MKLN1: variants seen among roughly 807,000 people sequenced by gnomAD.
The protein encoded by MKLN1 is muskelin.
MKLN1 carries 18 observed loss-of-function variants against 99.0 expected under a neutral mutation model. The observed-to-expected ratio is 0.18, with a 90% CI of 0.13 to 0.27. MKLN1 has a LOEUF of 0.27. Ranked by LOEUF, MKLN1 falls within the 10% of genes least tolerant of loss-of-function variation. The pLI, the probability that MKLN1 is intolerant of heterozygous loss-of-function variation, is 1.00. For missense variants in MKLN1, 621 were observed against 875.9 expected (o/e 0.71, Z 3.67); for synonymous variants, 288 against 293.2 (o/e 0.98, Z 0.18).
chr7:131,407,297 C>CA (rs1334441140), intron 6 of MKLN1, among the ~76,000 whole-genome samples: 2 of 151,962 alleles, frequency 1.3e-5, no homozygotes, highest in Non-Finnish European at 2.9e-5. Context: ...AATCTGTACT[C>CA]ATGTTTCATA....
Position 131,491,384 on chromosome 7 carries a change from G to A in MKLN1, c.*3656G>A, listed in dbSNP as rs1014206439. 6.6e-6 allele frequency: 1 copy of A among 151,992 alleles called. No individual in the cohort carries two copies. The highest frequency in any genetic ancestry group is 2.4e-5 in the African/African-American group (1 of 41,370). 9.4% of individuals were successfully genotyped at this position (151,992 alleles called of 1,614,324 possible). On this transcript the variant is annotated 3_prime_UTR_variant, in exon 18 of 18. Coordinates refer to ENST00000352689, the MANE Select transcript of MKLN1 (RefSeq NM_013255.5). ...GGCTGCCCAGAAAAAGTTTATGGCT[G>A]GAGGAGTATCATACAGTGTCTACAT...
chr7:131,394,715 C>A (rs771083403), intron 4 of MKLN1, among the ~76,000 whole-genome samples: 1 of 151,994 alleles, frequency 6.6e-6, no homozygotes, highest in Non-Finnish European at 1.5e-5. Flanking sequence ...TATTGGAAAT[C>A]ATTACGCCTG....
chr7:131,299,877 G>A (rs1798350192), intron 3 of MKLN1, among the ~76,000 whole-genome samples: 1 of 152,160 alleles, frequency 6.6e-6, no homozygotes, highest in Admixed American at 6.5e-5. Flanking sequence ...TCTAAAAATA[G>A]AATGCTATAA....
At chr7:131,422,625 C>T (rs1795239444) in intron 8 of MKLN1, among the ~76,000 whole-genome samples, 1 of 152,164 alleles carries the variant, frequency 6.6e-6, no homozygotes, top group Non-Finnish European at 1.5e-5. Context: ...GCTTATTTAA[C>T]ATGGCTTATA....
At chr7:131,396,896 GATAA>G (rs1794378113) in intron 4 of MKLN1, among the ~76,000 whole-genome samples, 2 of 152,194 alleles carry the variant, frequency 1.3e-5, no homozygotes, top group South Asian at 4.1e-4. Flanking sequence ...TTGTGCCACT[GATAA>G]ATAATTTCAG....
intron 3 of MKLN1, among the ~76,000 whole-genome samples, chr7:131,262,307 T>G (rs745613636): frequency 1.3e-5 from 2 of 151,522 alleles, no homozygotes; most frequent in Non-Finnish European, 2.9e-5. Context: ...CGTGGTGGCG[T>G]GCGACTGTAG....
chr7:131,309,743 T>TTTTTTTTTTTG (rs1798529745), intron 3 of MKLN1: 1 of 142,958 alleles, frequency 7.0e-6, no homozygotes, highest in South Asian at 2.3e-4. Flanking sequence ...TTTTTTTTTT[T>TTTTTTTTTTTG]GAGACAGGGC....
Position 131,466,387 on chromosome 7 carries a change from C to A in MKLN1, c.1900C>A (p.His634Asn). Residue 634 changes from histidine (H) to asparagine (N), a missense_variant, in exon 15 of 18, where the codon CAT (histidine) becomes AAT (asparagine). This residue lies in a region of MKLN1 where 126 missense variants were observed against 157.4 expected (regional missense o/e 0.80). Transcript: ENST00000352689. Reference sequence around the variant, plus strand: ...ACCTTCAAAAGATTATTTACTGAGGCATTGCAAGTACCTCATAAGAAAACA... The same window carrying A: ...ACCTTCAAAAGATTATTTACTGAGGAATTGCAAGTACCTCATAAGAAAACA... ...CRPSKDYLLR[H>N]CKYLIRKHRF... is the part of the protein sequence containing the mutation. The A allele has an allele frequency of 1.3e-6, 2 of 1,593,018 alleles. No individual in the cohort carries two copies. Among genetic ancestry groups the A allele is most frequent in the Non-Finnish European group, 1.7e-6 (2 of 1,166,186 alleles).
intron 8 of MKLN1, among the ~76,000 whole-genome samples, chr7:131,417,445 T>A (rs1398011464): frequency 6.6e-6 from 1 of 152,188 alleles, no homozygotes; most frequent in Non-Finnish European, 1.5e-5. Context: ...TTAAAAGAAA[T>A]CATGGGTGGT....
intron 1 of MKLN1, among the ~76,000 whole-genome samples, chr7:131,125,969 G>A (rs1211137221): frequency 6.8e-6 from 1 of 148,098 alleles, no homozygotes; most frequent in African/African-American, 2.5e-5. Flanking sequence ...TCACGCCACT[G>A]CACTCCAGCC....
chr7:131,476,260 G>A (rs560052733), intron 16 of MKLN1, among the ~76,000 whole-genome samples: 3 of 152,162 alleles, frequency 2.0e-5, no homozygotes, highest in African/African-American at 7.2e-5. Context: ...TATATTATTA[G>A]CCCCTCTATT....
At chr7:131,413,364 G>T (rs1467342321) in intron 7 of MKLN1, among the ~76,000 whole-genome samples, 1 of 152,074 alleles carries the variant, frequency 6.6e-6, no homozygotes, top group Non-Finnish European at 1.5e-5. Flanking sequence ...TGTAAAATTA[G>T]TATAAAATTG....
chr7:131,210,214 G>A (rs1373620475), intron 3 of MKLN1, among the ~76,000 whole-genome samples: 1 of 152,010 alleles, frequency 6.6e-6, no homozygotes, highest in African/African-American at 2.4e-5. Flanking sequence ...TTAAATCTTA[G>A]CATAGGATTA....
intron 3 of MKLN1, among the ~76,000 whole-genome samples, chr7:131,234,360 C>T (rs6967119): frequency 0.83 from 125,736 of 152,104 alleles, 52,062 homozygotes; most frequent in East Asian, 0.97. Flanking sequence ...GTAACTTTTT[C>T]TCAAGCATTC....
intron 1 of MKLN1, among the ~76,000 whole-genome samples, chr7:131,339,527 C>T (rs1194575872): frequency 6.6e-6 from 1 of 151,896 alleles, no homozygotes; most frequent in Admixed American, 6.6e-5. Flanking sequence ...AGTGAAACCC[C>T]GTCTCTACTA....
chr7:131,466,327 A>G lies in MKLN1; in HGVS notation c.1840A>G (p.Arg614Gly). Residue 614 changes from arginine to glycine, a missense_variant, in exon 15 of 18, where the codon AGA becomes GGA. Transcript: ENST00000352689. ...AGGAAAATCTTGCTCTCCAAAGATG[A>G]GATTAGATGACTTCTGGTCACTGAA... Reference protein sequence around the residue: ...NPGKSCSPKMRLDDFWSLKLC... With the variant: ...NPGKSCSPKMGLDDFWSLKLC... 1 of 1,607,622 alleles carries G rather than the reference A, an allele frequency of 6.2e-7. No individual in the cohort carries two copies. Among genetic ancestry groups the G allele is most frequent in the Non-Finnish European group, 8.5e-7 (1 of 1,175,636 alleles).
intron 4 of MKLN1, 105 bp from the exon 5 acceptor site, chr7:131,397,162 C>T: frequency 1.4e-6 from 1 of 707,254 alleles, no homozygotes. Context: ...CCAGAAAATT[C>T]GTTGAATGAA....
intron 3 of MKLN1, among the ~76,000 whole-genome samples, chr7:131,279,331 C>T (rs1474602338): frequency 1.3e-5 from 2 of 152,102 alleles, no homozygotes; most frequent in South Asian, 2.1e-4. Flanking sequence ...AGTAGTGCAA[C>T]GTTTTGAGGT....
In MKLN1 at chr7:131,463,379, T is replaced by G. The variant is rs780980146; in HGVS notation, c.1673+15T>G. 27 of 1,605,346 alleles carry G rather than the reference T, an allele frequency of 1.7e-5. No individual in the cohort carries two copies. Among genetic ancestry groups the G allele is most frequent in the Non-Finnish European group, 2.2e-5 (26 of 1,175,876 alleles). The stretch of plus-strand genomic sequence containing the variant: ...AGGAATAGTTGGTAAGGAACTCTTG[T>G]CTCTGCTGCAATCCCAATGTAATAA... On this transcript the variant is annotated intron_variant, in intron 13 of 17. Coordinates refer to ENST00000352689, the MANE Select transcript of MKLN1 (RefSeq NM_013255.5).
Sources: allele counts gnomAD v4.1 joint callset (sites outside exome capture counted in the v4.1 genomes callset), GRCh38; gene constraint gnomAD v4.1.1; regional missense constraint gnomAD v4.1.1; transcripts MANE v1.5; gene names NCBI Gene and HGNC (gene_info 2026-07-23, HGNC 2026-07-21).